Variants in COL4A4 observed in about 807,000 individuals in gnomAD.
The protein encoded by COL4A4 is collagen alpha-4(IV) chain.
In COL4A4, 105 loss-of-function variants were observed where a neutral mutation model predicts 192.9. That is an observed-to-expected ratio of 0.54 (90% CI 0.46 to 0.64). COL4A4 has a LOEUF of 0.64. Among genes scored for constraint, COL4A4 ranks in the 30% least tolerant of loss-of-function variants. COL4A4 has a pLI of 0.00. For synonymous variants in COL4A4, 762 were observed against 769.9 expected (o/e 0.99, Z 0.17); for missense variants, 1,967 against 2,169.3 (o/e 0.91, Z 1.85).
chr2:227,044,242 T>C (rs1199451759), intron 35 of COL4A4, among the ~76,000 whole-genome samples: 1 of 152,228 alleles, frequency 6.6e-6, no homozygotes, highest in Non-Finnish European at 1.5e-5. Flanking sequence ...TGCTAATTTA[T>C]TAAAGATAAA....
At chr2:227,066,205 A>G (rs940150896) in intron 25 of COL4A4, among the ~76,000 whole-genome samples, 1 of 152,210 alleles carries the variant, frequency 6.6e-6, no homozygotes, top group African/African-American at 2.4e-5. Flanking sequence ...TCCAAGAAAT[A>G]TGGGACTATG....
the COL4A4 span, among the ~76,000 whole-genome samples, chr2:226,977,613 C>T: frequency 1.6e-4 from 24 of 152,286 alleles, no homozygotes; most frequent in South Asian, 5.0e-3. Flanking sequence ...GGATCAAACG[C>T]TGCACAGGGA....
intron 31 of COL4A4, among the ~76,000 whole-genome samples, chr2:227,054,005 C>A (rs74335570): frequency 0.011 from 1,721 of 152,210 alleles, 30 homozygotes; most frequent in African/African-American, 0.04. Context: ...ATGATTTTTA[C>A]ACTGTGAAAT....
chr2:226,970,616 G>A, the COL4A4 span, among the ~76,000 whole-genome samples: 8 of 152,308 alleles, frequency 5.3e-5, no homozygotes, highest in Admixed American at 2.6e-4. Flanking sequence ...CAAACATAGC[G>A]AGAGGCACTC....
chr2:227,145,396 G>A (rs1282518770), intron 2 of COL4A4, among the ~76,000 whole-genome samples: 1 of 152,112 alleles, frequency 6.6e-6, no homozygotes, highest in African/African-American at 2.4e-5. Flanking sequence ...GCAGTGAGCC[G>A]AGATCGTGCC....
intron 37 of COL4A4, among the ~76,000 whole-genome samples, chr2:227,041,860 A>AAAAG (rs1650970671): frequency 1.1e-5 from 1 of 92,284 alleles, no homozygotes; most frequent in Non-Finnish European, 2.2e-5. Flanking sequence ...GAAAGAAAGA[A>AAAAG]AGAAAGAAAG....
chr2:227,007,359 A>G lies in COL4A4; in HGVS notation c.5039T>C (p.Ile1680Thr), dbSNP rs1343051499. 1 of 1,614,130 alleles carries G rather than the reference A, an allele frequency of 6.2e-7. No individual in the cohort carries two copies. The highest frequency in any genetic ancestry group is 8.5e-7 in the Non-Finnish European group (1 of 1,180,046). Residue 1680 changes from isoleucine (I) to threonine (T), a missense_variant, in exon 48 of 48, where the codon ATC (isoleucine) becomes ACC (threonine). Transcript: ENST00000396625. The part of the protein sequence containing the change: ...LKESQAQRQK[I>T]SRCQVCVKYS Reference sequence around the variant, plus strand: ...CTTCACGCAGACCTGGCACCGGCTGATTTTCTGGCGTTGGGCCTGGCTTTC... The same window carrying G: ...CTTCACGCAGACCTGGCACCGGCTGGTTTTCTGGCGTTGGGCCTGGCTTTC...
chr2:227,071,121 A>C (rs567967080), intron 25 of COL4A4, among the ~76,000 whole-genome samples: 2 of 152,260 alleles, frequency 1.3e-5, no homozygotes, highest in South Asian at 4.1e-4. Flanking sequence ...CAAAATGGAC[A>C]AAAACAACAC....
At chr2:226,976,466 C>T in the COL4A4 span, among the ~76,000 whole-genome samples, 1 of 152,012 alleles carries the variant, frequency 6.6e-6, no homozygotes, top group Non-Finnish European at 1.5e-5. Context: ...GCTTTACCCA[C>T]GCCTCCTTAC....
rs1429970817 is a variant in COL4A4 at position 227,032,044 on chromosome 2, G to A, written c.3718C>T (p.Pro1240Ser). 1 of 1,614,076 alleles carries A rather than the reference G, an allele frequency of 6.2e-7. No individual in the cohort carries two copies. The highest frequency in any genetic ancestry group is 8.5e-7 in the Non-Finnish European group (1 of 1,179,938). Residue 1240 changes from proline to serine, a missense_variant, in exon 40 of 48, where the codon CCA (proline) becomes TCA (serine). Pro to Ser is a moderately conservative substitution (Grantham distance 74). Coordinates refer to ENST00000396625, the MANE Select transcript of COL4A4 (RefSeq NM_000092.5). ...CCTGTGGCACCTGCAGGACCAGGTG[G>A]TCCTGAACTCCCTAAGAAGAGACAT... is the stretch of plus-strand genomic sequence containing the variant. ...GPPGPPGSSG[P>S]PGPAGATGRA... is the part of the protein sequence containing the mutation.
chr2:227,076,351 C>T (rs751237811), intron 25 of COL4A4, among the ~76,000 whole-genome samples: 2 of 152,186 alleles, frequency 1.3e-5, no homozygotes, highest in Non-Finnish European at 2.9e-5. Flanking sequence ...CTACAACCAT[C>T]TGCTTTTTGA....
chr2:226,993,287 T>C, the COL4A4 span, among the ~76,000 whole-genome samples: 1 of 152,330 alleles, frequency 6.6e-6, no homozygotes, highest in South Asian at 2.1e-4. Context: ...CCTCCATGGG[T>C]TTCTGCCCTG....
intron 1 of COL4A4, among the ~76,000 whole-genome samples, chr2:227,158,585 T>C (rs1299979291): frequency 6.6e-6 from 1 of 152,096 alleles, no homozygotes; most frequent in Non-Finnish European, 1.5e-5. Flanking sequence ...CTAACATTGA[T>C]CTTGTATCCA....
intron 13 of COL4A4, 30 bp from the exon 14 acceptor site, chr2:227,103,227 T>C: frequency 6.5e-7 from 1 of 1,531,236 alleles, no homozygotes; most frequent in Non-Finnish European, 9.0e-7. Flanking sequence ...TAATTTGGTC[T>C]ATTCTTATTA....
chr2:227,110,572 G>A (rs1255037764), intron 9 of COL4A4, among the ~76,000 whole-genome samples: 1 of 151,918 alleles, frequency 6.6e-6, no homozygotes, highest in Non-Finnish European at 1.5e-5. Flanking sequence ...TAGTAGAGAC[G>A]GGGTTTCACC....
intron 45 of COL4A4, among the ~76,000 whole-genome samples, chr2:227,011,005 A>G (rs1429595060): frequency 1.3e-5 from 2 of 152,172 alleles, no homozygotes; most frequent in African/African-American, 4.8e-5. Flanking sequence ...TGAGAAAGCC[A>G]AAGGCTTGGG....
chr2:227,108,000 C>T (rs2060961434), intron 12 of COL4A4, among the ~76,000 whole-genome samples: 1 of 152,128 alleles, frequency 6.6e-6, no homozygotes, highest in Non-Finnish European at 1.5e-5. Context: ...TCATGATCCA[C>T]CCGCCTCAGC....
chr2:226,975,622 C>T, the COL4A4 span, among the ~76,000 whole-genome samples: 125 of 152,182 alleles, frequency 8.2e-4, no homozygotes, highest in African/African-American at 2.8e-3. Flanking sequence ...TTAAAGATGG[C>T]GTCAAACTAT....
At position 227,144,549 on chromosome 2, in the gene COL4A4, T is replaced by C; in HGVS notation, c.81A>G (p.Ile27Met). The change falls in exon 3 of 48, where the codon ATA becomes ATG. Residue 27 changes from isoleucine to methionine, a missense_variant. Coordinates refer to ENST00000396625, the MANE Select transcript of COL4A4 (RefSeq NM_000092.5). ...KSLATGPWSL[I>M]LILFSVQYVY... ...CATATTGTACAGAAAAGAGAATGAG[T>C]ATAAGTGACCTACAGAAAAACAAAA... The C allele has an allele frequency of 2.5e-6, 4 of 1,608,244 alleles. No homozygotes were observed. The highest frequency in any genetic ancestry group is 3.4e-6 in the Non-Finnish European group (4 of 1,174,864).
Sources: allele counts gnomAD v4.1 joint callset (sites outside exome capture counted in the v4.1 genomes callset), GRCh38; gene constraint gnomAD v4.1.1; transcripts MANE v1.5; gene names NCBI Gene and HGNC (gene_info 2026-07-23, HGNC 2026-07-21).